The following ATP9B variants were observed in gnomAD, a reference collection of about 807,000 sequenced individuals.
ATP9B encodes the protein probable phospholipid-transporting ATPase IIB.
A neutral mutation model predicts 146.1 loss-of-function variants in ATP9B; 110 were observed. That is an observed-to-expected ratio of 0.75 (90% confidence interval 0.65 to 0.88). ATP9B has a LOEUF of 0.88. Ranked by LOEUF, ATP9B falls within the 40% of genes least tolerant of loss-of-function variation. ATP9B has a pLI of 0.00. For synonymous variants in ATP9B, 604 were observed against 569.7 expected, an observed-to-expected ratio of 1.06 and a Z score of -0.86; for missense variants, 1,499 against 1,496.4, an observed-to-expected ratio of 1.00 and a Z score of -0.03.
At position 79,349,914 on chromosome 18, in the gene ATP9B, C is replaced by T. The variant is rs145339942; in HGVS notation, c.2903+1718C>T. Among the ~76,000 whole-genome samples the T allele has an allele frequency of 1.2e-4, 18 of 146,372 alleles. No homozygotes were observed. In the East Asian group the frequency reaches 2.6e-3, roughly 21 times the overall value. On this transcript the variant is annotated intron_variant, in intron 25 of 29. Coordinates refer to ENST00000426216, the MANE Select transcript of ATP9B (RefSeq NM_198531.5). ...CCCGCACCCCCCCCCCCACCATGCACCTTCACACCCCCAGGCTGCGCAGTT... is the reference window on the plus strand; with the variant it reads ...CCCGCACCCCCCCCCCCACCATGCATCTTCACACCCCCAGGCTGCGCAGTT...
chr18:79,206,405 A>G (rs558979962), intron 9 of ATP9B, among the ~76,000 whole-genome samples: 1 of 152,304 alleles, frequency 6.6e-6, no homozygotes, highest in Admixed American at 6.5e-5. Flanking sequence ...AAATTATGCT[A>G]TGCACGCAAA....
rs572582451 is a variant in ATP9B, at chr18:79,216,883, C to G, written c.1107+2845C>G. Among the ~76,000 whole-genome samples the G allele has an allele frequency of 1.3e-3, 196 of 152,342 alleles. 1 individual carries two copies. The Middle Eastern group carries it at 0.02, about 16-fold the overall frequency. The stretch of plus-strand genomic sequence containing the variant: ...TGATGTAAAAGTGTTCTTTCAGTGG[C>G]TGGTATTTTCCTGGTGATTAATACA... On this transcript the variant is annotated intron_variant, in intron 11 of 29. Transcript: ENST00000426216.
rs183712466 is a variant in ATP9B, at chr18:79,376,363, T to G, written c.3308-884T>G. On this transcript the variant is annotated intron_variant, in intron 29 of 29. Transcript: ENST00000426216. ...AGTGTTGTCCACCCATTCAGTGGTG[T>G]TTGGTGACATTAGTCATCTGCAACC... The G allele has an allele frequency of 9.8e-4, 962 of 985,306 alleles. 14 individuals carry two copies. Among genetic ancestry groups the G allele is most frequent in the Middle Eastern group, 1.6e-3 (3 of 1,914 alleles). 61.0% of individuals were successfully genotyped at this position (985,306 alleles called of 1,614,324 possible). A position where few individuals can be genotyped will look rare whatever the true frequency, so the allele number is the denominator to read the frequency against.
At chr18:79,167,518 A>C (rs1331062545) in intron 7 of ATP9B, among the ~76,000 whole-genome samples, 1 of 152,072 alleles carries the variant, frequency 6.6e-6, no homozygotes, top group Admixed American at 6.5e-5. Flanking sequence ...TTTTCTCCGC[A>C]GGCAGGTTGG....
chr18:79,178,128 C>G (rs1192813676), intron 8 of ATP9B, among the ~76,000 whole-genome samples: 1 of 152,072 alleles, frequency 6.6e-6, no homozygotes, highest in African/African-American at 2.4e-5. Flanking sequence ...GGAGCAGCAC[C>G]TCCTCACCTG....
At chr18:79,263,078 ATTT>A (rs1456695880) in intron 12 of ATP9B, among the ~76,000 whole-genome samples, 2 of 152,182 alleles carry the variant, frequency 1.3e-5, no homozygotes, top group Non-Finnish European at 2.9e-5. Context: ...GGGCTTTACA[ATTT>A]TTATTTCATT....
chr18:79,142,311 A>G (rs1254995109), intron 5 of ATP9B, among the ~76,000 whole-genome samples: 1 of 152,242 alleles, frequency 6.6e-6, no homozygotes, highest in African/African-American at 2.4e-5. Context: ...TTAGATCTTA[A>G]TTACAGAGTC....
chr18:79,173,450 A>G (rs1185388118), intron 7 of ATP9B, among the ~76,000 whole-genome samples: 1 of 146,304 alleles, frequency 6.8e-6, no homozygotes, highest in African/African-American at 2.6e-5. Flanking sequence ...TTTTTGTCCT[A>G]AAAGTTTTAC....
intron 9 of ATP9B, among the ~76,000 whole-genome samples, chr18:79,197,667 T>A (rs1037225558): frequency 6.6e-6 from 1 of 151,942 alleles, no homozygotes; most frequent in African/African-American, 2.4e-5. Context: ...GGTGATGAAG[T>A]TAGATGCTAA....
chr18:79,347,067 C>G (rs191524188), intron 23 of ATP9B, among the ~76,000 whole-genome samples: 6 of 152,350 alleles, frequency 3.9e-5, no homozygotes, highest in African/African-American at 7.2e-5. Context: ...CCTCGGCGAG[C>G]CTTTCCATGG....
chr18:79,374,217 T>C (rs1415243645), intron 28 of ATP9B, 116 bp downstream of exon 28: 3 of 1,230,020 alleles, frequency 2.4e-6, no homozygotes, highest in Non-Finnish European at 3.4e-6. Context: ...AAAACCCATA[T>C]CAGAAAGTGC....
intron 5 of ATP9B, among the ~76,000 whole-genome samples, chr18:79,131,160 CAAA>C (rs886425956): frequency 7.0e-6 from 1 of 143,436 alleles, no homozygotes; most frequent in East Asian, 2.0e-4. Context: ...GACTCCGTCT[CAAA>C]AAAAAAAAGT....
intron 7 of ATP9B, among the ~76,000 whole-genome samples, chr18:79,164,345 G>A (rs76238667): frequency 0.026 from 3,943 of 152,160 alleles, 184 homozygotes; most frequent in African/African-American, 0.089. Flanking sequence ...AGACAGGTGG[G>A]TTCATGTCTC....
chr18:79,315,829 CT>C (rs1309652333), intron 15 of ATP9B, among the ~76,000 whole-genome samples: 2 of 152,180 alleles, frequency 1.3e-5, no homozygotes, highest in East Asian at 3.9e-4. Context: ...AACTGTGTTG[CT>C]AAGCAGCCTG....
At chr18:79,343,187 T>C (rs2096868084) in intron 20 of ATP9B, among the ~76,000 whole-genome samples, 1 of 152,220 alleles carries the variant, frequency 6.6e-6, no homozygotes, top group Non-Finnish European at 1.5e-5. Flanking sequence ...TGAAGACTAC[T>C]ATTTGCAATT....
chr18:79,335,490 T>C (rs905633345), intron 17 of ATP9B, among the ~76,000 whole-genome samples: 3 of 152,270 alleles, frequency 2.0e-5, no homozygotes, highest in Non-Finnish European at 4.4e-5. Flanking sequence ...CTTCCCTGAC[T>C]GAACACGGTT....
intron 18 of ATP9B, 74 bp from the exon 19 acceptor site, chr18:79,337,205 T>C: frequency 6.4e-7 from 1 of 1,565,612 alleles, no homozygotes; most frequent in Admixed American, 1.7e-5. Flanking sequence ...CCACAGCCCA[T>C]GCAGTCCAGC....
intron 11 of ATP9B, among the ~76,000 whole-genome samples, chr18:79,230,623 A>G (rs980729691): frequency 6.6e-6 from 1 of 152,216 alleles, no homozygotes; most frequent in Admixed American, 6.5e-5. Flanking sequence ...GGTAGAATCA[A>G]TATTATTAAA....
intron 17 of ATP9B, among the ~76,000 whole-genome samples, chr18:79,333,917 C>T (rs1419378431): frequency 6.6e-6 from 1 of 152,154 alleles, no homozygotes; most frequent in Non-Finnish European, 1.5e-5. Context: ...AAGAGTTGCT[C>T]AAATTTGAAA....
Sources: allele counts gnomAD v4.1 joint callset (sites outside exome capture counted in the v4.1 genomes callset), GRCh38; gene constraint gnomAD v4.1.1; transcripts MANE v1.5; gene names NCBI Gene and HGNC (gene_info 2026-07-23, HGNC 2026-07-21).